The following ZNF804B variants were observed in gnomAD, a reference collection of about 807,000 sequenced individuals.
ZNF804B encodes the protein zinc finger protein 804B, also known as zinc finger 804B.
ZNF804B carries 80 observed loss-of-function variants against 101.4 expected under a neutral mutation model. That is an observed-to-expected ratio of 0.79 (90% CI 0.66 to 0.95). The LOEUF (loss-of-function observed/expected upper bound fraction) is 0.95, where lower values mean the gene tolerates loss of function less well. Among genes scored for constraint, ZNF804B ranks in the 40% least tolerant of loss-of-function variants. The pLI is 0.00. For missense variants in ZNF804B, 1,673 were observed against 1,561.9 expected (o/e 1.07, Z -1.20); for synonymous variants, 622 against 558.8 (o/e 1.11, Z -1.59).
At chr7:88,977,550 C>T (rs2116125248) in intron 1 of ZNF804B, among the ~76,000 whole-genome samples, 2 of 151,698 alleles carry the variant, frequency 1.3e-5, no homozygotes, top group Middle Eastern at 3.4e-3. Context: ...TCATGGTAGT[C>T]TCTAATGAGC....
Position 88,835,003 on chromosome 7 carries a change from A to G in ZNF804B, c.108+74919A>G, listed in dbSNP as rs189094399. 7.1e-3 allele frequency among the ~76,000 whole-genome samples: 1,085 copies of G among 152,006 alleles called. 9 individuals are homozygous for G. Among genetic ancestry groups the G allele is most frequent in the Non-Finnish European group, 7.4e-3 (500 of 67,856 alleles). ...GAAATAATGCTCATATAGAAAAGAC[A>G]CTACTGAACTTTCAGAGGTCTCCTA... is the stretch of plus-strand genomic sequence containing the variant. On this transcript the variant is annotated intron_variant, in intron 1 of 3. Transcript: ENST00000333190.
intron 1 of ZNF804B, among the ~76,000 whole-genome samples, chr7:88,904,720 G>A (rs1792442558): frequency 6.6e-6 from 1 of 152,082 alleles, no homozygotes; most frequent in African/African-American, 2.4e-5. Context: ...TATTGTAAAT[G>A]GGATTGTGTT....
At chr7:89,308,718 A>G (rs1790603766) in intron 2 of ZNF804B, among the ~76,000 whole-genome samples, 1 of 152,166 alleles carries the variant, frequency 6.6e-6, no homozygotes, top group South Asian at 2.1e-4. Flanking sequence ...ATTGTTGGCA[A>G]ACATCTTGGA....
intron 1 of ZNF804B, among the ~76,000 whole-genome samples, chr7:89,111,400 C>T (rs1790215612): frequency 1.3e-5 from 2 of 151,934 alleles, no homozygotes; most frequent in South Asian, 4.1e-4. Flanking sequence ...CATTTCGTGT[C>T]AGTGTTCTGG....
At chr7:88,814,346 ACT>A (rs1790840096) in intron 1 of ZNF804B, among the ~76,000 whole-genome samples, 1 of 151,594 alleles carries the variant, frequency 6.6e-6, no homozygotes, top group East Asian at 1.9e-4. Flanking sequence ...TTCTTACATG[ACT>A]CTGTTACAGA....
At chr7:89,162,652 T>TTTA (rs10658439) in intron 1 of ZNF804B, among the ~76,000 whole-genome samples, 53,517 of 147,850 alleles carry the variant, frequency 0.36, 9,814 homozygotes, top group Non-Finnish European at 0.39. Flanking sequence ...TAAATATTCT[T>TTTA]TTATTATTAT....
In ZNF804B at chr7:89,000,606, A is replaced by C. The variant is rs532711105; in HGVS notation, c.109-217549A>C. 2.0e-5 allele frequency among the ~76,000 whole-genome samples: 3 copies of C among 151,962 alleles called. No individual in the cohort carries two copies. The Admixed American group carries it at 2.0e-4, about 10-fold the overall frequency. The stretch of plus-strand genomic sequence containing the variant: ...CCTGAACATATTTATCTTCCAACTG[A>C]AAGTTTGTACTCTTTGACCATCTCC... On this transcript the variant is annotated intron_variant, in intron 1 of 3. Transcript: ENST00000333190.
chr7:89,156,343 G>A (rs1203307061), intron 1 of ZNF804B, among the ~76,000 whole-genome samples: 6 of 152,006 alleles, frequency 3.9e-5, no homozygotes, highest in African/African-American at 9.7e-5. Flanking sequence ...TCAAACTCCC[G>A]ACCTCTGGTG....
intron 1 of ZNF804B, among the ~76,000 whole-genome samples, chr7:88,930,268 A>G (rs1792863507): frequency 6.6e-6 from 1 of 151,924 alleles, no homozygotes; most frequent in Non-Finnish European, 1.5e-5. Flanking sequence ...ATGTGTTGGG[A>G]TATAGTTGCA....
intron 1 of ZNF804B, among the ~76,000 whole-genome samples, chr7:88,859,400 T>C (rs1051533816): frequency 1.6e-4 from 25 of 152,136 alleles, no homozygotes; most frequent in African/African-American, 6.0e-4. Flanking sequence ...CAAGCTTTTC[T>C]CTAAATGGTA....
intron 1 of ZNF804B, among the ~76,000 whole-genome samples, chr7:88,854,509 T>TCC (rs1228342845): frequency 2.2e-4 from 19 of 86,148 alleles, no homozygotes; most frequent in South Asian, 1.4e-3. Context: ...TTCCTTTCCT[T>TCC]TCCTTTCCTT....
chr7:89,087,337 A>AT (rs933443141), intron 1 of ZNF804B, among the ~76,000 whole-genome samples: 14 of 132,662 alleles, frequency 1.1e-4, no homozygotes, highest in Non-Finnish European at 4.7e-5. Context: ...TTTTCTGATT[A>AT]TAAAAAAAAA....
chr7:88,971,631 T>A (rs1793539472), intron 1 of ZNF804B, among the ~76,000 whole-genome samples: 1 of 151,678 alleles, frequency 6.6e-6, no homozygotes, highest in Non-Finnish European at 1.5e-5. Flanking sequence ...TCATAGCTAA[T>A]GGGACACATA....
intron 1 of ZNF804B, among the ~76,000 whole-genome samples, chr7:88,864,123 T>C (rs1791690239): frequency 6.6e-6 from 1 of 152,220 alleles, no homozygotes; most frequent in African/African-American, 2.4e-5. Flanking sequence ...TGCCTTCATA[T>C]ATTTTTTCTT....
intron 1 of ZNF804B, among the ~76,000 whole-genome samples, chr7:88,991,220 T>C (rs530981712): frequency 1.3e-5 from 2 of 152,336 alleles, no homozygotes; most frequent in South Asian, 2.1e-4. Context: ...GTGCCACTGC[T>C]AGTCCTCATG....
intron 2 of ZNF804B, among the ~76,000 whole-genome samples, chr7:89,318,051 C>A (rs773378265): frequency 6.6e-6 from 1 of 152,194 alleles, no homozygotes; most frequent in Admixed American, 6.5e-5. Context: ...CATCAAAGAA[C>A]ACTCTTCAAT....
chr7:89,184,830 T>C (rs1473108900), intron 1 of ZNF804B, among the ~76,000 whole-genome samples: 1 of 152,058 alleles, frequency 6.6e-6, no homozygotes, highest in Non-Finnish European at 1.5e-5. Context: ...CCAAAACTAA[T>C]TGAAATGTAC....
intron 1 of ZNF804B, among the ~76,000 whole-genome samples, chr7:89,055,041 A>G (rs1022501617): frequency 1.3e-5 from 2 of 152,160 alleles, no homozygotes; most frequent in Non-Finnish European, 2.9e-5. Flanking sequence ...TTACTATTAT[A>G]AACAGAGTAA....
rs140910214 is a variant in ZNF804B, at chr7:88,868,858, C to T, written c.108+108774C>T. On this transcript the variant is annotated intron_variant, in intron 1 of 3. Transcript: ENST00000333190. ...CAAAAAGCTTTCTTAGGTGTCAGTT[C>T]CTCCTGGGAGAAAAGAGACAGGAAT... is the stretch of plus-strand genomic sequence containing the variant. Among the ~76,000 whole-genome samples the T allele has an allele frequency of 7.1e-3, 1,086 of 152,290 alleles. 13 individuals carry two copies. The highest frequency in any genetic ancestry group is 0.024 in the African/African-American group (1,018 of 41,568).
Sources: gnomAD v4.1 joint callset for allele counts (sites outside exome capture counted in the v4.1 genomes callset) on GRCh38, gnomAD v4.1.1 for gene constraint, MANE v1.5 for transcripts, NCBI Gene and HGNC (gene_info 2026-07-23, HGNC 2026-07-21) for gene names.